The following SELENOI variants were observed in gnomAD, a reference collection of about 807,000 sequenced individuals.
SELENOI encodes the protein selenoprotein I, also known as ethanolaminephosphotransferase 1.
Under a neutral mutation model 50.7 loss-of-function variants are expected in SELENOI, and 24 were observed. That is an observed-to-expected ratio of 0.47 (90% CI 0.34 to 0.67). The LOEUF (loss-of-function observed/expected upper bound fraction) is 0.67, where lower values mean the gene tolerates loss of function less well. SELENOI is among the 30% of genes least tolerant of loss of function. The pLI, the probability that SELENOI is intolerant of heterozygous loss-of-function variation, is 0.01. For synonymous variants in SELENOI, 155 were observed against 170.2 expected (o/e 0.91, Z 0.70); for missense variants, 352 against 461.4 (o/e 0.76, Z 2.17).
intron 4 of SELENOI, among the ~76,000 whole-genome samples, chr2:26,368,739 C>A (rs1466873075): frequency 2.0e-5 from 3 of 152,030 alleles, no homozygotes; most frequent in Non-Finnish European, 4.4e-5. Flanking sequence ...ATGTATAAAA[C>A]CTAATTAATA....
chr2:26,361,657 C>CTT (rs756091085), intron 1 of SELENOI, among the ~76,000 whole-genome samples: 2 of 143,114 alleles, frequency 1.4e-5, no homozygotes, highest in African/African-American at 2.5e-5. Flanking sequence ...ATCATCATTT[C>CTT]TTTTTTTTTT....
intron 1 of SELENOI, among the ~76,000 whole-genome samples, chr2:26,362,446 T>C (rs140642625): frequency 6.6e-6 from 1 of 152,212 alleles, no homozygotes; most frequent in Non-Finnish European, 1.5e-5. Context: ...TTTGTATACA[T>C]ACTGAACACA....
intron 1 of SELENOI, among the ~76,000 whole-genome samples, chr2:26,359,016 G>C (rs2147947157): frequency 6.6e-6 from 1 of 152,276 alleles, no homozygotes; most frequent in Non-Finnish European, 1.5e-5. Flanking sequence ...GTCTGAAGCA[G>C]GGGTTGTCAA....
intron 1 of SELENOI, 113 bp downstream of exon 1, chr2:26,346,402 G>A: frequency 7.6e-7 from 1 of 1,321,594 alleles, no homozygotes; most frequent in Admixed American, 3.1e-5. Context: ...CGGGCGGGCT[G>A]GCGGGCGTTC....
intron 1 of SELENOI, among the ~76,000 whole-genome samples, chr2:26,350,062 G>A (rs1574746986): frequency 6.6e-6 from 1 of 151,372 alleles, no homozygotes; most frequent in East Asian, 1.9e-4. Context: ...AGCTATGATT[G>A]TGCCACTGTT....
intron 2 of SELENOI, 41 bp downstream of exon 2, chr2:26,364,411 T>A: frequency 7.8e-7 from 1 of 1,276,500 alleles, no homozygotes; most frequent in Non-Finnish European, 1.1e-6. Flanking sequence ...TTTTAGTAAG[T>A]TTTAAAGATT....
intron 1 of SELENOI, among the ~76,000 whole-genome samples, chr2:26,351,742 G>C (rs1172980784): frequency 6.6e-6 from 1 of 152,186 alleles, no homozygotes; most frequent in Non-Finnish European, 1.5e-5. Flanking sequence ...ATCACTGTGT[G>C]GTTCAAGGAC....
chr2:26,371,147 C>CG (rs1172416457), intron 4 of SELENOI, among the ~76,000 whole-genome samples: 9 of 137,728 alleles, frequency 6.5e-5, no homozygotes, highest in African/African-American at 2.2e-4. Context: ...GCTGGGCTGG[C>CG]GGGGGGCTGA....
chr2:26,368,006 T>C (rs1468360213), intron 4 of SELENOI, among the ~76,000 whole-genome samples: 1 of 152,238 alleles, frequency 6.6e-6, no homozygotes, highest in Non-Finnish European at 1.5e-5. Context: ...TACTGCGTTG[T>C]TCACTACTGT....
At chr2:26,373,778 AAATAG>A (rs1250559657) in intron 5 of SELENOI, 149 bp downstream of exon 5, 2 of 782,556 alleles carry the variant, frequency 2.6e-6, no homozygotes, top group East Asian at 2.7e-5. Context: ...AAAATTTCAA[AAATAG>A]AATAGTATAG....
intron 4 of SELENOI, among the ~76,000 whole-genome samples, chr2:26,368,069 G>C (rs1268045096): frequency 1.3e-5 from 2 of 152,140 alleles, no homozygotes; most frequent in Non-Finnish European, 2.9e-5. Context: ...ATGTAAAATA[G>C]CAGACCCTGA....
chr2:26,354,608 G>T (rs1677028548), intron 1 of SELENOI, among the ~76,000 whole-genome samples: 1 of 151,836 alleles, frequency 6.6e-6, no homozygotes, highest in African/African-American at 2.4e-5. Context: ...AGCTAGGATG[G>T]TCTTGATCTC....
chr2:26,373,842 C>A (rs981168757), intron 5 of SELENOI, among the ~76,000 whole-genome samples: 1 of 152,048 alleles, frequency 6.6e-6, no homozygotes, highest in Non-Finnish European at 1.5e-5. Context: ...AGAGAATAGA[C>A]CCTAATGTAC....
At chr2:26,346,441 T>G in intron 1 of SELENOI, 152 bp downstream of exon 1, 2 of 961,778 alleles carry the variant, frequency 2.1e-6, no homozygotes, top group East Asian at 3.0e-5. Flanking sequence ...TCCTGGGGAT[T>G]GGGGGTCGGG....
At chr2:26,350,933 C>G (rs1676943336) in intron 1 of SELENOI, among the ~76,000 whole-genome samples, 1 of 152,184 alleles carries the variant, frequency 6.6e-6, no homozygotes, top group South Asian at 2.1e-4. Context: ...ACTTAACCTA[C>G]TGAACATCAT....
chr2:26,354,227 A>G (rs562107075), intron 1 of SELENOI, among the ~76,000 whole-genome samples: 26 of 152,162 alleles, frequency 1.7e-4, no homozygotes, highest in African/African-American at 5.8e-4. Flanking sequence ...TGAAAATTTA[A>G]GTAATTTGCT....
At chr2:26,356,422 T>A (rs1241559531) in intron 1 of SELENOI, among the ~76,000 whole-genome samples, 1 of 152,230 alleles carries the variant, frequency 6.6e-6, no homozygotes, top group Non-Finnish European at 1.5e-5. Context: ...TTCAGTTTTC[T>A]TATTGGTACA....
At chr2:26,385,507 G>A (rs1279394622) in intron 8 of SELENOI, among the ~76,000 whole-genome samples, 1 of 152,196 alleles carries the variant, frequency 6.6e-6, no homozygotes. Context: ...GCTTGGAAGA[G>A]ATTTTTGAGA....
At chr2:26,384,926 A>G (rs937561010) in intron 7 of SELENOI, 33 bp from the exon 8 acceptor site, 1 of 1,478,994 alleles carries the variant, frequency 6.8e-7, no homozygotes. Flanking sequence ...ATATGTAATA[A>G]TGTTCTTTAT....
Sources: allele counts gnomAD v4.1 joint callset (sites outside exome capture counted in the v4.1 genomes callset), GRCh38; gene constraint gnomAD v4.1.1; transcripts MANE v1.5; gene names NCBI Gene and HGNC (gene_info 2026-07-23, HGNC 2026-07-21).